The following TEAD1 variants were observed in gnomAD, a reference collection of about 807,000 sequenced individuals.
TEAD1 encodes the protein transcriptional enhancer factor TEF-1.
A neutral mutation model predicts 54.9 loss-of-function variants in TEAD1; 9 were observed. The ratio of observed to expected loss-of-function variants is 0.16; its 90% CI spans 0.10 to 0.29. The LOEUF is 0.29. Among genes scored for constraint, TEAD1 ranks in the 10% least tolerant of loss-of-function variants. TEAD1 has a pLI of 1.00. For synonymous variants in TEAD1, 200 were observed against 187.8 expected, an observed-to-expected ratio of 1.07 and a Z score of -0.53; for missense variants, 387 against 535.9, an observed-to-expected ratio of 0.72 and a Z score of 2.74.
At chr11:12,744,840 G>C (rs1248834261) in intron 2 of TEAD1, among the ~76,000 whole-genome samples, 1 of 152,162 alleles carries the variant, frequency 6.6e-6, no homozygotes, top group Non-Finnish European at 1.5e-5. Context: ...AGAGGCCTAG[G>C]TCAGCCTCCT....
intron 3 of TEAD1, among the ~76,000 whole-genome samples, chr11:12,797,465 T>C (rs1043662119): frequency 6.6e-6 from 1 of 152,174 alleles, no homozygotes; most frequent in Non-Finnish European, 1.5e-5. Context: ...TTCTTGACGT[T>C]TGTGCTTTTG....
At chr11:12,928,187 C>T (rs1192202064) in intron 11 of TEAD1, among the ~76,000 whole-genome samples, 1 of 151,942 alleles carries the variant, frequency 6.6e-6, no homozygotes, top group Non-Finnish European at 1.5e-5. Flanking sequence ...AACAGTCTTA[C>T]TTTGGATTTA....
At chr11:12,863,743 C>T (rs1036829658) in intron 4 of TEAD1, among the ~76,000 whole-genome samples, 3 of 152,044 alleles carry the variant, frequency 2.0e-5, no homozygotes, top group Non-Finnish European at 4.4e-5. Context: ...GTCATTTGCC[C>T]GGTGACCCCT....
intron 3 of TEAD1, among the ~76,000 whole-genome samples, chr11:12,825,564 A>G (rs991248756): frequency 6.6e-6 from 1 of 152,218 alleles, no homozygotes; most frequent in African/African-American, 2.4e-5. Flanking sequence ...GGAAGACTCA[A>G]TATTGTTAAA....
intron 3 of TEAD1, among the ~76,000 whole-genome samples, chr11:12,774,647 A>G (rs1945382767): frequency 6.6e-6 from 1 of 152,222 alleles, no homozygotes; most frequent in South Asian, 2.1e-4. Flanking sequence ...TGTTGCCATC[A>G]CCAGTAGAAT....
intron 3 of TEAD1, among the ~76,000 whole-genome samples, chr11:12,801,609 A>G (rs977278536): frequency 1.3e-5 from 2 of 152,206 alleles, no homozygotes; most frequent in African/African-American, 4.8e-5. Context: ...ATAGTGCAAT[A>G]CTAAGTTGGA....
At position 12,852,570 on chromosome 11, in the gene TEAD1, C is replaced by G. The variant is rs376339832; in HGVS notation, c.203-9680C>G. Among the ~76,000 whole-genome samples, 5 of 152,148 alleles carry G rather than the reference C, an allele frequency of 3.3e-5. No individual in the cohort carries two copies. The East Asian group carries it at 7.7e-4, about 24-fold the overall frequency. On this transcript the variant is annotated intron_variant, in intron 3 of 12. Coordinates refer to ENST00000527636, the MANE Select transcript of TEAD1 (RefSeq NM_021961.6). ...TCAAGCAATTCCCTTGCCTCAGCCT[C>G]CCTAGTAGCTGGGATTACAGGTGTG...
intron 2 of TEAD1, among the ~76,000 whole-genome samples, chr11:12,761,286 C>G (rs367996260): frequency 2.6e-5 from 4 of 152,156 alleles, no homozygotes; most frequent in African/African-American, 7.2e-5. Flanking sequence ...TGGAGCAGTT[C>G]AAGTAGCAGA....
intron 3 of TEAD1, among the ~76,000 whole-genome samples, chr11:12,809,270 G>C (rs545627428): frequency 6.6e-6 from 1 of 152,270 alleles, no homozygotes; most frequent in South Asian, 2.1e-4. Flanking sequence ...TAGGTTCCTG[G>C]TTCTTGTTCC....
intron 2 of TEAD1, among the ~76,000 whole-genome samples, chr11:12,689,552 A>G (rs1943408853): frequency 6.6e-6 from 1 of 152,216 alleles, no homozygotes; most frequent in African/African-American, 2.4e-5. Flanking sequence ...CATAAATGTT[A>G]GCTGCTGCTG....
chr11:12,823,879 A>T (rs1339453420), intron 3 of TEAD1, among the ~76,000 whole-genome samples: 2 of 152,106 alleles, frequency 1.3e-5, no homozygotes, highest in Non-Finnish European at 2.9e-5. Context: ...AGAGGGAGGG[A>T]TGTAAACTGA....
intron 9 of TEAD1, among the ~76,000 whole-genome samples, chr11:12,883,446 T>A (rs185529378): frequency 2.6e-5 from 4 of 152,180 alleles, no homozygotes; most frequent in African/African-American, 9.7e-5. Flanking sequence ...TTATTGAGCC[T>A]TGCCATATGC....
At chr11:12,686,583 C>T (rs1590051468) in intron 2 of TEAD1, among the ~76,000 whole-genome samples, 1 of 151,816 alleles carries the variant, frequency 6.6e-6, no homozygotes, top group African/African-American at 2.4e-5. Context: ...TTGGTTTGTA[C>T]TGTATGAAAT....
intron 10 of TEAD1, among the ~76,000 whole-genome samples, chr11:12,924,705 C>G (rs776294217): frequency 1.3e-5 from 2 of 152,092 alleles, no homozygotes; most frequent in Non-Finnish European, 2.9e-5. Flanking sequence ...ATACTTGTAG[C>G]ATGTCATTTC....
At chr11:12,738,007 T>A (rs994180615) in intron 2 of TEAD1, among the ~76,000 whole-genome samples, 1 of 152,112 alleles carries the variant, frequency 6.6e-6, no homozygotes, top group African/African-American at 2.4e-5. Flanking sequence ...AAACCCCTTA[T>A]ATAAAACCGT....
chr11:12,694,221 C>T (rs1447009146), intron 2 of TEAD1, among the ~76,000 whole-genome samples: 1 of 152,136 alleles, frequency 6.6e-6, no homozygotes. Flanking sequence ...GCAGAAAGCT[C>T]TGGATTCCAT....
intron 3 of TEAD1, among the ~76,000 whole-genome samples, chr11:12,855,749 G>T (rs990242322): frequency 6.6e-6 from 1 of 151,880 alleles, no homozygotes; most frequent in Non-Finnish European, 1.5e-5. Flanking sequence ...TTCGAGACTA[G>T]CCTGGGCAGC....
intron 3 of TEAD1, among the ~76,000 whole-genome samples, chr11:12,815,530 T>C (rs1366063928): frequency 2.6e-5 from 4 of 152,322 alleles, no homozygotes; most frequent in South Asian, 4.1e-4. Context: ...TAACCATATG[T>C]GTGTGGACCT....
chr11:12,841,802 C>A (rs1314599739), intron 3 of TEAD1, among the ~76,000 whole-genome samples: 1 of 152,124 alleles, frequency 6.6e-6, no homozygotes, highest in East Asian at 1.9e-4. Flanking sequence ...GGTATGAGAC[C>A]TTTGGGGAAA....
Sources: gnomAD v4.1 joint callset for allele counts (sites outside exome capture counted in the v4.1 genomes callset) on GRCh38, gnomAD v4.1.1 for gene constraint, MANE v1.5 for transcripts, NCBI Gene and HGNC (gene_info 2026-07-23, HGNC 2026-07-21) for gene names.